P4HA1: variants seen among roughly 807,000 people sequenced by gnomAD.
The protein encoded by P4HA1 is prolyl 4-hydroxylase subunit alpha-1.
A neutral mutation model predicts 72.8 loss-of-function variants in P4HA1; 24 were observed. That is an observed-to-expected ratio of 0.33 (90% CI 0.24 to 0.46). P4HA1 has a LOEUF of 0.46. Among genes scored for constraint, P4HA1 ranks in the 20% least tolerant of loss-of-function variants. P4HA1 has a pLI of 1.00. For synonymous variants in P4HA1, 201 were observed against 218.8 expected (o/e 0.92, Z 0.72); for missense variants, 446 against 640.6 (o/e 0.70, Z 3.28).
Position 73,041,756 on chromosome 10 carries a change from A to G in P4HA1, c.1148+3225T>C, listed in dbSNP as rs1840742111. Among the ~76,000 whole-genome samples, 5 of 152,158 alleles carry G rather than the reference A, an allele frequency of 3.3e-5. No homozygotes were observed. The South Asian group carries it at 6.2e-4, about 19-fold the overall frequency. ...TCCCCTTTGTTCATCATACTTCTGT[A>G]TGACTATCCACTCATCAAACCTAGC... is the stretch of plus-strand genomic sequence containing the variant. On this transcript the variant is annotated intron_variant, in intron 9 of 14. Coordinates refer to ENST00000394890, the MANE Select transcript of P4HA1 (RefSeq NM_001017962.3).
intron 9 of P4HA1, among the ~76,000 whole-genome samples, chr10:73,037,328 T>G (rs1313853822): frequency 6.9e-6 from 1 of 144,752 alleles, no homozygotes; most frequent in Non-Finnish European, 1.5e-5. Context: ...AAAAAAAAAC[T>G]TCATGATTTT....
At chr10:73,040,751 C>T (rs1049890256) in intron 9 of P4HA1, among the ~76,000 whole-genome samples, 4 of 152,136 alleles carry the variant, frequency 2.6e-5, no homozygotes, top group African/African-American at 7.2e-5. Context: ...GGATTACAGG[C>T]GTGAGCCACC....
intron 7 of P4HA1, among the ~76,000 whole-genome samples, chr10:73,050,417 T>C (rs1840991236): frequency 6.6e-6 from 1 of 151,870 alleles, no homozygotes; most frequent in Admixed American, 6.6e-5. Context: ...TTAAAGTTTT[T>C]TAGGCTGGGC....
intron 1 of P4HA1, among the ~76,000 whole-genome samples, chr10:73,078,066 G>T (rs2133144675): frequency 9.1e-6 from 1 of 109,358 alleles, no homozygotes; most frequent in Non-Finnish European, 1.8e-5. Context: ...AAGCTTATGT[G>T]TCAAAAAAAA....
intron 5 of P4HA1, chr10:73,065,218 C>T (rs934853029): frequency 6.7e-6 from 1 of 149,858 alleles, no homozygotes; most frequent in African/African-American, 2.5e-5. Flanking sequence ...CCCCCACCCC[C>T]TAAAAAAAAT....
chr10:73,089,697 A>T (rs1841989671), intron 1 of P4HA1, among the ~76,000 whole-genome samples: 1 of 149,150 alleles, frequency 6.7e-6, no homozygotes, highest in African/African-American at 2.5e-5. Context: ...GAGTGTAAGG[A>T]GATTCCCCGT....
chr10:73,082,168 T>C (rs1841839180), intron 1 of P4HA1, among the ~76,000 whole-genome samples: 1 of 152,248 alleles, frequency 6.6e-6, no homozygotes, highest in South Asian at 2.1e-4. Context: ...TTAAGTGTTC[T>C]GTTTTGAGCA....
chr10:73,028,980 G>A (rs112637565), intron 10 of P4HA1, among the ~76,000 whole-genome samples: 7,668 of 151,990 alleles, frequency 0.05, 653 homozygotes, highest in African/African-American at 0.17. Flanking sequence ...AGGAAGCAGA[G>A]GTCGCACTGA....
chr10:73,047,296 T>A (rs1164422040), intron 7 of P4HA1, among the ~76,000 whole-genome samples, 195 bp from the exon 8 acceptor site: 1 of 152,174 alleles, frequency 6.6e-6, no homozygotes, highest in Non-Finnish European at 1.5e-5. Context: ...GTATTAATGA[T>A]TATTTTCTGG....
At chr10:73,059,834 A>G (rs983166455) in intron 5 of P4HA1, among the ~76,000 whole-genome samples, 8 of 152,044 alleles carry the variant, frequency 5.3e-5, no homozygotes, top group African/African-American at 1.7e-4. Flanking sequence ...AGGCCTAACT[A>G]TTTGGGAGGC....
intron 1 of P4HA1, among the ~76,000 whole-genome samples, chr10:73,082,306 T>C (rs1048342467): frequency 6.6e-5 from 10 of 152,322 alleles, no homozygotes; most frequent in South Asian, 6.2e-4. Context: ...TGAGGAGTCA[T>C]TGAATTTTAA....
rs1839836809 is a variant in P4HA1 at position 73,008,310 on chromosome 10, T to C, written c.1535-18A>G. On this transcript the variant is annotated intron_variant, in intron 14 of 14. Transcript: ENST00000394890. ...ATTGGATACTGTGAGAGAAAAGTAA[T>C]ATATTAATTTTCCCCCTTAATCTAA... 4 of 1,471,542 alleles carry C rather than the reference T, an allele frequency of 2.7e-6. No homozygotes were observed. Among genetic ancestry groups the C allele is most frequent in the Admixed American group, 1.7e-5 (1 of 59,684 alleles). 91.2% of individuals were successfully genotyped at this position (1,471,542 alleles called of 1,614,324 possible).
intron 9 of P4HA1, 99 bp downstream of exon 9, chr10:73,044,882 G>C: frequency 1.1e-6 from 1 of 896,538 alleles, no homozygotes; most frequent in Non-Finnish European, 1.8e-6. Context: ...GACTTGAGCT[G>C]GTGACTGAAA....
chr10:73,093,426 G>C (rs1399259129), intron 1 of P4HA1, among the ~76,000 whole-genome samples: 1 of 152,084 alleles, frequency 6.6e-6, no homozygotes, highest in Non-Finnish European at 1.5e-5. Context: ...ACCTAAATGA[G>C]AGTCCTTTTG....
chr10:73,081,057 A>G (rs1168616308), intron 1 of P4HA1, among the ~76,000 whole-genome samples: 2 of 152,198 alleles, frequency 1.3e-5, no homozygotes, highest in Admixed American at 6.5e-5. Flanking sequence ...CCCAAAAGAC[A>G]TTATGACTTT....
intron 1 of P4HA1, among the ~76,000 whole-genome samples, chr10:73,089,095 A>G (rs1406368799): frequency 3.9e-5 from 6 of 152,332 alleles, no homozygotes; most frequent in Non-Finnish European, 7.4e-5. Flanking sequence ...GTATCTTAAT[A>G]CTGAGTCTTC....
At chr10:73,063,842 G>C (rs186803548) in intron 5 of P4HA1, among the ~76,000 whole-genome samples, 1 of 152,296 alleles carries the variant, frequency 6.6e-6, no homozygotes, top group Admixed American at 6.5e-5. Flanking sequence ...AAGGCAGACT[G>C]CCTGGGAATC....
intron 10 of P4HA1, among the ~76,000 whole-genome samples, chr10:73,018,351 C>T (rs1262358885): frequency 6.6e-6 from 1 of 152,182 alleles, no homozygotes; most frequent in Non-Finnish European, 1.5e-5. Context: ...TACCCAGAGA[C>T]CCAGGGAAAC....
chr10:73,061,916 G>A (rs1156817987), intron 5 of P4HA1, among the ~76,000 whole-genome samples: 3 of 152,216 alleles, frequency 2.0e-5, no homozygotes, highest in Non-Finnish European at 4.4e-5. Flanking sequence ...CTGTTCAGGA[G>A]GCTAAGGCAG....
Sources: allele counts gnomAD v4.1 joint callset (sites outside exome capture counted in the v4.1 genomes callset), GRCh38; gene constraint gnomAD v4.1.1; transcripts MANE v1.5; gene names NCBI Gene and HGNC (gene_info 2026-07-23, HGNC 2026-07-21).